CD200R1L: variants seen among roughly 807,000 people sequenced by gnomAD.
CD200R1L encodes the protein cell surface glycoprotein CD200 receptor 2.
A neutral mutation model predicts 24.8 loss-of-function variants in CD200R1L; 14 were observed. That is an observed-to-expected ratio of 0.56 (90% CI 0.37 to 0.88). The LOEUF (loss-of-function observed/expected upper bound fraction) is 0.88, where lower values mean the gene tolerates loss of function less well. CD200R1L is among the 40% of genes least tolerant of loss of function. The probability of loss-of-function intolerance (pLI) is 0.00; values close to 1 mark genes in which losing one functional copy is unlikely to be tolerated. For missense variants in CD200R1L, 299 were observed against 297.8 expected (o/e 1.00, Z -0.03); for synonymous variants, 111 against 109.2 (o/e 1.02, Z -0.11).
At chr3:112,835,953 C>T (rs1035298778) in intron 3 of CD200R1L, among the ~76,000 whole-genome samples, 2 of 152,250 alleles carry the variant, frequency 1.3e-5, no homozygotes, top group African/African-American at 4.8e-5. Flanking sequence ...TGCACCCCCT[C>T]TCTGTGTTTT....
intron 2 of CD200R1L, among the ~76,000 whole-genome samples, chr3:112,840,047 G>A (rs1050271202): frequency 6.6e-6 from 1 of 152,076 alleles, no homozygotes; most frequent in African/African-American, 2.4e-5. Flanking sequence ...TTATAAATCT[G>A]GACAATATGT....
At position 112,819,901 on chromosome 3, in the gene CD200R1L, A is replaced by T; in HGVS notation, c.617-6T>A. The T allele has an allele frequency of 6.3e-7, 1 of 1,580,136 alleles. No individual in the cohort carries two copies. The highest frequency in any genetic ancestry group is 8.6e-7 in the Non-Finnish European group (1 of 1,168,736). ...AGATCCTGAGGTTCTGAGACCTTTA[A>T]ATACAGACAGGGGTGAAAAATCATT... On this transcript the variant is annotated splice_polypyrimidine_tract_variant and splice_region_variant and intron_variant, in intron 6 of 7. Transcript: ENST00000488794.
At position 112,845,928 on chromosome 3, in the gene CD200R1L, A is replaced by G. The variant is rs1414225425; in HGVS notation, c.-336T>C. On this transcript the variant is annotated 5_prime_UTR_variant, in exon 2 of 8. Transcript: ENST00000488794. ...TATGTTTTTGACTGATTAACCACTG[A>G]TGGGAAATGTCAGTGAGTTTTGCTG... The G allele has an allele frequency of 1.9e-6, 1 of 528,524 alleles. No individual in the cohort carries two copies. The highest frequency in any genetic ancestry group is 3.4e-6 in the Non-Finnish European group (1 of 298,312). The allele number at this position is 528,524 out of a possible 1,614,324, so 32.7% of individuals were successfully genotyped here.
At chr3:112,831,189 TGG>T (rs1056670721) in intron 3 of CD200R1L, among the ~76,000 whole-genome samples, 10 of 152,234 alleles carry the variant, frequency 6.6e-5, no homozygotes, top group African/African-American at 2.4e-4. Flanking sequence ...ATTTTAGTTA[TGG>T]TTAACTAATT....
chr3:112,822,017 T>C (rs990541641), intron 6 of CD200R1L, among the ~76,000 whole-genome samples: 1 of 152,224 alleles, frequency 6.6e-6, no homozygotes, highest in African/African-American at 2.4e-5. Flanking sequence ...GAGATGAGTC[T>C]GCAATGATTT....
chr3:112,821,319 T>C (rs954106748), intron 6 of CD200R1L, among the ~76,000 whole-genome samples: 15 of 152,184 alleles, frequency 9.9e-5, no homozygotes, highest in East Asian at 3.8e-4. Flanking sequence ...AGACAACTTA[T>C]ATGAAAGAAA....
chr3:112,823,237 T>C (rs1189563224), intron 6 of CD200R1L, among the ~76,000 whole-genome samples: 1 of 152,246 alleles, frequency 6.6e-6, no homozygotes, highest in African/African-American at 2.4e-5. Context: ...AGACTTTTGC[T>C]TAAATAAACT....
intron 3 of CD200R1L, among the ~76,000 whole-genome samples, chr3:112,834,559 G>A (rs1354452090): frequency 2.0e-5 from 3 of 152,308 alleles, no homozygotes; most frequent in Middle Eastern, 3.4e-3. Flanking sequence ...ATCATCATGA[G>A]ACAATAGTGC....
chr3:112,831,093 T>G (rs984198530), intron 3 of CD200R1L, among the ~76,000 whole-genome samples: 4 of 152,214 alleles, frequency 2.6e-5, no homozygotes, highest in African/African-American at 7.2e-5. Context: ...TAGTTGCTTA[T>G]AAGTATAATT....
chr3:112,820,001 G>A, intron 6 of CD200R1L, 106 bp from the exon 7 acceptor site: 4 of 1,036,224 alleles, frequency 3.9e-6, no homozygotes, highest in Non-Finnish European at 5.5e-6. Flanking sequence ...AGAGTTCATG[G>A]ACTGTCATAA....
Position 112,819,846 on chromosome 3 carries a change from A to C in CD200R1L, c.666T>G (p.Tyr222Ter). 1 of 1,611,468 alleles carries C rather than the reference A, an allele frequency of 6.2e-7. No individual in the cohort carries two copies. The highest frequency in any genetic ancestry group is 1.7e-5 in the Admixed American group (1 of 59,512). The change falls in exon 7 of 8, where the codon TAT becomes TAG. Residue 222 changes from tyrosine (Y) to a stop codon, truncating the protein, a stop_gained. Coordinates refer to ENST00000488794, the MANE Select transcript of CD200R1L (RefSeq NM_001199215.3). LOFTEE classifies it high-confidence loss of function. Reference protein sequence around the residue: ...SPALSLLIILYVKLSLFVVIL... With the variant: ...SPALSLLIIL ...TGACCACAAAAAGAGAGAGTTTCAC[A>C]TAAAGAATGATCAGTAAGGACAACG...
chr3:112,819,216 A>G (rs746247594), intron 7 of CD200R1L, among the ~76,000 whole-genome samples: 3 of 152,152 alleles, frequency 2.0e-5, no homozygotes, highest in Non-Finnish European at 2.9e-5. Flanking sequence ...GGGGATTACA[A>G]TTTGAGATGA....
intron 1 of CD200R1L, among the ~76,000 whole-genome samples, chr3:112,846,317 C>A (rs1939200700): frequency 6.6e-6 from 1 of 152,206 alleles, no homozygotes; most frequent in South Asian, 2.1e-4. Flanking sequence ...GCATGAAATT[C>A]TTTGCAAATT....
At position 112,827,559 on chromosome 3, in the gene CD200R1L, C is replaced by A. The variant is rs1024114179; in HGVS notation, c.175G>T (p.Ala59Ser). 3.7e-6 allele frequency: 6 copies of A among 1,614,102 alleles called. No individual in the cohort carries two copies. In the African/African-American group the frequency reaches 5.3e-5, roughly 14 times the overall value. The change falls in exon 5 of 8, where the codon GCC becomes TCC. Residue 59 changes from alanine to serine, a missense_variant. By Grantham distance (99) the Ala-to-Ser change is moderately conservative. Coordinates refer to ENST00000488794, the MANE Select transcript of CD200R1L (RefSeq NM_001199215.3). ...ILRGQPSCTK[A>S]YKKETNETKE... Reference sequence around the variant, plus strand: ...GTCTCATTTGTTTCTTTCTTGTAGGCTTTTGTGCAGGAAGGCTGGCCTCTC... The same window carrying A: ...GTCTCATTTGTTTCTTTCTTGTAGGATTTTGTGCAGGAAGGCTGGCCTCTC...
At chr3:112,827,771 G>T in intron 4 of CD200R1L, 87 bp from the exon 5 acceptor site, 2 of 1,267,622 alleles carry the variant, frequency 1.6e-6, no homozygotes, top group Non-Finnish European at 2.2e-6. Context: ...ATTACATGAA[G>T]TTTTATTAGA....
chr3:112,820,781 G>A (rs1938518209), intron 6 of CD200R1L, among the ~76,000 whole-genome samples: 1 of 151,744 alleles, frequency 6.6e-6, no homozygotes, highest in African/African-American at 2.4e-5. Flanking sequence ...ACCTAGGCAG[G>A]GTGTGGTGGC....
rs971736354 is a variant in CD200R1L, at chr3:112,827,598, A to G, written c.136T>C (p.Trp46Arg). The G allele has an allele frequency of 1.2e-6, 2 of 1,614,010 alleles. No individual in the cohort carries two copies. The highest frequency in any genetic ancestry group is 1.7e-6 in the Non-Finnish European group (2 of 1,179,900). ...GGCTGGCCTCTCAGGATTATTTCCC[A>G]TGTTATTATGATCAAATTTCTTAAT... ...IALRNLIIIT[W>R]EIILRGQPSC... The change falls in exon 5 of 8, where the codon TGG (tryptophan) becomes CGG (arginine). Residue 46 changes from tryptophan (W) to arginine (R), a missense_variant. Physicochemically the swap from Trp to Arg is moderately radical, Grantham distance 101. Coordinates refer to ENST00000488794, the MANE Select transcript of CD200R1L (RefSeq NM_001199215.3).
intron 3 of CD200R1L, among the ~76,000 whole-genome samples, chr3:112,830,498 G>T (rs1372316351): frequency 1.6e-4 from 16 of 102,030 alleles, no homozygotes; most frequent in Middle Eastern, 7.0e-3. Context: ...TGTCATTGCA[G>T]TTTTTTTTTT....
intron 2 of CD200R1L, among the ~76,000 whole-genome samples, chr3:112,845,001 C>T (rs1939169353): frequency 1.3e-5 from 2 of 151,654 alleles, no homozygotes; most frequent in Non-Finnish European, 2.9e-5. Context: ...ATAAACTAAC[C>T]CCAAAGCCAG....
Sources: allele counts gnomAD v4.1 joint callset (sites outside exome capture counted in the v4.1 genomes callset), GRCh38; gene constraint gnomAD v4.1.1; transcripts MANE v1.5; gene names NCBI Gene and HGNC (gene_info 2026-07-23, HGNC 2026-07-21).